WNT5A: variants seen among roughly 807,000 people sequenced by gnomAD.
The protein encoded by WNT5A is Wnt family member 5A, also known as protein Wnt-5a.
In WNT5A, 9 loss-of-function variants were observed where a neutral mutation model predicts 42.1. The observed-to-expected ratio is 0.21, with a 90% CI of 0.13 to 0.37. The LOEUF is 0.37. Among genes scored for constraint, WNT5A ranks in the 10% least tolerant of loss-of-function variants. The pLI, the probability that WNT5A is intolerant of heterozygous loss-of-function variation, is 1.00. For synonymous variants in WNT5A, 210 were observed against 210.0 expected (o/e 1.00, Z 0.00); for missense variants, 426 against 534.0 (o/e 0.80, Z 1.99).
At chr3:55,496,044 T>G in the WNT5A span, among the ~76,000 whole-genome samples, 2 of 152,212 alleles carry the variant, frequency 1.3e-5, no homozygotes, top group Non-Finnish European at 2.9e-5. Context: ...TTTTTTGAAT[T>G]TTAACATGTT....
At chr3:55,471,544 G>C (rs1341544108) in intron 4 of WNT5A, among the ~76,000 whole-genome samples, 1 of 152,254 alleles carries the variant, frequency 6.6e-6, no homozygotes. Flanking sequence ...TGTGGAAAGT[G>C]CTTGGCACTT....
Position 55,468,878 on chromosome 3 carries a change from T to C in WNT5A, c.*1214A>G, listed in dbSNP as rs988473077. ...TTAGCCAAGTTCTGTCATTAAAACA[T>C]AGAAAACTACTGCTCCTCAAAATAA... On this transcript the variant is annotated 3_prime_UTR_variant, in exon 5 of 5. Coordinates refer to ENST00000264634, the MANE Select transcript of WNT5A (RefSeq NM_003392.7). 6.6e-6 allele frequency: 1 copy of C among 152,476 alleles called. No individual in the cohort carries two copies. Among genetic ancestry groups the C allele is most frequent in the Non-Finnish European group, 1.5e-5 (1 of 68,022 alleles). 9.4% of individuals were successfully genotyped at this position (152,476 alleles called of 1,614,324 possible).
chr3:55,479,342 G>A lies in WNT5A; in HGVS notation c.363C>T (p.Thr121=), dbSNP rs1382320907. ...RRWNCSTVDN[T]SVFGRVMQIG... is the part of the protein sequence containing the mutation. Reference sequence around the variant, plus strand: ...TCTGCATCACCCTGCCAAAAACAGAGGTGTTATCCACAGTGCTGCAGTTCC... The same window carrying A: ...TCTGCATCACCCTGCCAAAAACAGAAGTGTTATCCACAGTGCTGCAGTTCC... The change falls in exon 3 of 5, where the codon ACC becomes ACT. Residue 121 remains threonine, a synonymous_variant. Transcript: ENST00000264634. 1.1e-5 allele frequency: 17 copies of A among 1,591,914 alleles called. No homozygotes were observed. Among genetic ancestry groups the A allele is most frequent in the Non-Finnish European group, 1.4e-5 (16 of 1,166,696 alleles).
intron 1 of WNT5A, among the ~76,000 whole-genome samples, chr3:55,484,701 C>T (rs1575407224): frequency 3.6e-5 from 2 of 55,750 alleles, no homozygotes; most frequent in South Asian, 2.0e-3. Flanking sequence ...CACACACACA[C>T]ACACACACAC....
Position 55,470,178 on chromosome 3 carries a change from C to G in WNT5A, c.1057G>C (p.Glu353Gln). The change falls in exon 5 of 5, where the codon GAG becomes CAG. Residue 353 changes from glutamate to glutamine, a missense_variant. Transcript: ENST00000264634. ...CAGTGGAACTTGCAGTGGCAGCGCTCCGTCTGCACGGTCTTGAACTGGTCG... is the reference window on the plus strand; with the variant it reads ...CAGTGGAACTTGCAGTGGCAGCGCTGCGTCTGCACGGTCTTGAACTGGTCG... ...GYDQFKTVQTERCHCKFHWCC... is the reference protein window; with the variant it reads ...GYDQFKTVQTQRCHCKFHWCC... 1 of 1,614,052 alleles carries G rather than the reference C, an allele frequency of 6.2e-7. No homozygotes were observed. The highest frequency in any genetic ancestry group is 8.5e-7 in the Non-Finnish European group (1 of 1,179,950).
At chr3:55,496,686 C>A in the WNT5A span, among the ~76,000 whole-genome samples, 2 of 152,282 alleles carry the variant, frequency 1.3e-5, no homozygotes, top group East Asian at 3.9e-4. Flanking sequence ...AACATAAGCG[C>A]CTTCCCTCTC....
chr3:55,479,802 C>A (rs1205521261), intron 2 of WNT5A, among the ~76,000 whole-genome samples: 2 of 152,140 alleles, frequency 1.3e-5, no homozygotes, highest in East Asian at 1.9e-4. Flanking sequence ...TATTTTCACT[C>A]CCTTCCTAGC....
At chr3:55,494,539 T>G (rs1401378787), upstream of WNT5A, among the ~76,000 whole-genome samples, 1 of 152,168 alleles carries the variant, frequency 6.6e-6, no homozygotes, top group Admixed American at 6.5e-5. Context: ...TTTTTGCCAT[T>G]ACTTTTTTTC....
At chr3:55,487,541 A>G (rs2107012593), upstream of WNT5A, 1 of 153,536 alleles carries the variant, frequency 6.5e-6, no homozygotes, top group Admixed American at 6.5e-5. Context: ...CAGATTCTGC[A>G]AACTCTTGGC....
At chr3:55,477,307 C>G (rs149893825) in intron 3 of WNT5A, among the ~76,000 whole-genome samples, 2 of 152,220 alleles carry the variant, frequency 1.3e-5, no homozygotes, top group Non-Finnish European at 2.9e-5. Flanking sequence ...TTTCTCTTCT[C>G]TCCTGTCTCT....
chr3:55,485,952 G>C (rs182686115), intron 1 of WNT5A, among the ~76,000 whole-genome samples: 58 of 152,192 alleles, frequency 3.8e-4, no homozygotes, highest in Admixed American at 3.4e-3. Context: ...ACTTAAAATG[G>C]GAAAGACCAG....
chr3:55,477,266 T>G (rs2051375145), intron 3 of WNT5A, among the ~76,000 whole-genome samples: 1 of 152,226 alleles, frequency 6.6e-6, no homozygotes, highest in South Asian at 2.1e-4. Context: ...TGGAATTGGA[T>G]CCATGTTCCT....
intron 1 of WNT5A, among the ~76,000 whole-genome samples, chr3:55,485,660 G>GT (rs57574670): frequency 0.55 from 82,840 of 151,900 alleles, 23,492 homozygotes; most frequent in African/African-American, 0.7. Flanking sequence ...ATGTGCGAAG[G>GT]TGGCTGGGGG....
intron 1 of WNT5A, chr3:55,481,331 C>G: frequency 1.0e-6 from 1 of 987,614 alleles, no homozygotes; most frequent in Non-Finnish European, 1.2e-6. Flanking sequence ...TCTCCCCAAC[C>G]TGGGCCGAGC....
intron 4 of WNT5A, among the ~76,000 whole-genome samples, chr3:55,471,733 G>C (rs562947142): frequency 1.3e-5 from 2 of 152,334 alleles, no homozygotes; most frequent in South Asian, 4.1e-4. Flanking sequence ...CTGGGAGGTG[G>C]TGGTTGCCTA....
chr3:55,476,043 T>C (rs2051351748), intron 3 of WNT5A, among the ~76,000 whole-genome samples: 1 of 152,190 alleles, frequency 6.6e-6, no homozygotes. Flanking sequence ...GCAATCAGTT[T>C]ATCCTATACT....
At chr3:55,471,349 C>T (rs973321223) in intron 4 of WNT5A, among the ~76,000 whole-genome samples, 7 of 152,150 alleles carry the variant, frequency 4.6e-5, no homozygotes, top group Admixed American at 2.0e-4. Flanking sequence ...GTCCCTACCC[C>T]ATCTACTACC....
Position 55,466,636 on chromosome 3 carries a change from G to A in WNT5A, c.*3456C>T, listed in dbSNP as rs942377972. ...CTATTTTGAACATGGCTCTTTTGCT[G>A]CTGCCTATATATAAATTTTTTATTA... is the stretch of plus-strand genomic sequence containing the variant. On this transcript the variant is annotated 3_prime_UTR_variant, in exon 5 of 5. Transcript: ENST00000264634. The A allele has an allele frequency of 2.0e-5, 3 of 152,522 alleles. No homozygotes were observed. The highest frequency in any genetic ancestry group is 7.2e-5 in the African/African-American group (3 of 41,414). 9.4% of individuals were successfully genotyped at this position (152,522 alleles called of 1,614,324 possible). A position where few individuals can be genotyped will look rare whatever the true frequency, so the allele number is the denominator to read the frequency against.
chr3:55,487,112 G>A lies in WNT5A; in HGVS notation c.-127C>T. ...GCAGGGCTGCGGAGTCCTCCGGCGC[G>A]CGTCCGGCGGGCGCAGTGAACCGGA... is the stretch of plus-strand genomic sequence containing the variant. On this transcript the variant is annotated 5_prime_UTR_variant, in exon 1 of 5. Coordinates refer to ENST00000264634, the MANE Select transcript of WNT5A (RefSeq NM_003392.7). The A allele has an allele frequency of 2.5e-6, 2 of 792,598 alleles. No individual in the cohort carries two copies. Among genetic ancestry groups the A allele is most frequent in the Non-Finnish European group, 4.0e-6 (2 of 502,556 alleles). The allele number at this position is 792,598 out of a possible 1,614,324, so 49.1% of individuals were successfully genotyped here.
Sources: gnomAD v4.1 joint callset for allele counts (sites outside exome capture counted in the v4.1 genomes callset) on GRCh38, gnomAD v4.1.1 for gene constraint, MANE v1.5 for transcripts, NCBI Gene and HGNC (gene_info 2026-07-23, HGNC 2026-07-21) for gene names.